The following AOAH variants were observed in gnomAD, a reference collection of about 807,000 sequenced individuals.
AOAH encodes the protein acyloxyacyl hydrolase (neutrophil).
In AOAH, 64 loss-of-function variants were observed where a neutral mutation model predicts 92.2. The observed-to-expected ratio is 0.69, with a 90% confidence interval of 0.57 to 0.86. AOAH has a LOEUF of 0.86. Among genes scored for constraint, AOAH ranks in the 40% least tolerant of loss-of-function variants. The probability of loss-of-function intolerance (pLI) is 0.00; values close to 1 mark genes in which losing one functional copy is unlikely to be tolerated. For missense variants in AOAH, 656 were observed against 694.6 expected (o/e 0.94, Z 0.62); for synonymous variants, 263 against 254.5 (o/e 1.03, Z -0.32).
chr7:36,684,860 G>A (rs116958861), intron 2 of AOAH, among the ~76,000 whole-genome samples: 3 of 131,298 alleles, frequency 2.3e-5, no homozygotes, highest in Non-Finnish European at 4.7e-5. Flanking sequence ...GGAGGTCAAG[G>A]CTGCAGTGAG....
chr7:36,517,011 G>T (rs1375476325), intron 20 of AOAH, among the ~76,000 whole-genome samples: 2 of 152,166 alleles, frequency 1.3e-5, no homozygotes, highest in African/African-American at 4.8e-5. Context: ...GTGATAAAAT[G>T]ATCCACTGTA....
In AOAH at chr7:36,714,412, G is replaced by C. The variant is rs188830547; in HGVS notation, c.127+9610C>G. On this transcript the variant is annotated intron_variant, in intron 1 of 20. Transcript: ENST00000617537. ...CTACCAGAGGTACGAGGAGGAACTA[G>C]TACCATTCCTTCTGAAACTATTCCA... 3.7e-4 allele frequency among the ~76,000 whole-genome samples: 56 copies of C among 152,304 alleles called. No homozygotes were observed. In the East Asian group the frequency reaches 0.011, roughly 29 times the overall value.
At chr7:36,545,193 G>A (rs979938095) in intron 15 of AOAH, among the ~76,000 whole-genome samples, 1 of 152,070 alleles carries the variant, frequency 6.6e-6, no homozygotes, top group Non-Finnish European at 1.5e-5. Context: ...CTGGGGAGAA[G>A]AGGCATCTTG....
rs747887261 is a variant in AOAH, at chr7:36,576,577, T to G, written c.1018A>C (p.Asn340His). The G allele has an allele frequency of 5.5e-5, 85 of 1,551,914 alleles. No homozygotes were observed. The highest frequency in any genetic ancestry group is 4.6e-4 in the South Asian group (39 of 84,614). ...NHRDYQNISR[N>H]GASSRNLKKF... Reference sequence around the variant, plus strand: ...GCTTAAATGGAAAGTTACGTACCATTTCTTGAAATATTCTGGTAGTCCCTG... The same window carrying G: ...GCTTAAATGGAAAGTTACGTACCATGTCTTGAAATATTCTGGTAGTCCCTG... The change falls in exon 13 of 21, where the codon AAT (asparagine) becomes CAT (histidine). Residue 340 changes from asparagine (N) to histidine (H), a missense_variant. By Grantham distance (68) the Asn-to-His change is moderately conservative (BLOSUM62 1). Coordinates refer to ENST00000617537, the MANE Select transcript of AOAH (RefSeq NM_001637.4).
At chr7:36,704,459 A>C (rs377626002) in intron 1 of AOAH, among the ~76,000 whole-genome samples, 2 of 152,200 alleles carry the variant, frequency 1.3e-5, no homozygotes, top group East Asian at 3.8e-4. Context: ...CAAATCCTTG[A>C]ATAGACCAAT....
At chr7:36,563,234 A>G (rs1787420088) in intron 13 of AOAH, among the ~76,000 whole-genome samples, 2 of 150,228 alleles carry the variant, frequency 1.3e-5, no homozygotes, top group South Asian at 2.1e-4. Context: ...ATTCCAGTGA[A>G]GAGGCAGTCT....
intron 11 of AOAH, among the ~76,000 whole-genome samples, chr7:36,597,293 G>A (rs566904496): frequency 5.3e-5 from 8 of 152,178 alleles, no homozygotes; most frequent in African/African-American, 1.9e-4. Flanking sequence ...CTTTCTGCTC[G>A]AGACTCCACC....
At chr7:36,722,308 G>A (rs1028903746) in intron 1 of AOAH, among the ~76,000 whole-genome samples, 16 of 152,114 alleles carry the variant, frequency 1.1e-4, no homozygotes, top group African/African-American at 3.6e-4. Flanking sequence ...TGACCTCACT[G>A]GGAACAGGGC....
chr7:36,669,269 A>G lies in AOAH; in HGVS notation c.290+4674T>C, dbSNP rs150509114. On this transcript the variant is annotated intron_variant, in intron 3 of 20. Transcript: ENST00000617537. ...GAAGATCTTCTTCATATAACTTAATACTTTTATCTTGTTTCTAGGTCACAT... is the reference window on the plus strand; with the variant it reads ...GAAGATCTTCTTCATATAACTTAATGCTTTTATCTTGTTTCTAGGTCACAT... 4.0e-5 allele frequency among the ~76,000 whole-genome samples: 6 copies of G among 151,862 alleles called. No homozygotes were observed. The East Asian group carries it at 1.2e-3, about 29-fold the overall frequency.
chr7:36,563,410 G>A (rs1405177998), intron 13 of AOAH, among the ~76,000 whole-genome samples: 1 of 152,130 alleles, frequency 6.6e-6, no homozygotes, highest in African/African-American at 2.4e-5. Context: ...GTCCAGGTTG[G>A]AAGATACCAG....
At chr7:36,642,709 C>T (rs995575698) in intron 4 of AOAH, among the ~76,000 whole-genome samples, 3 of 152,180 alleles carry the variant, frequency 2.0e-5, no homozygotes, top group Non-Finnish European at 2.9e-5. Flanking sequence ...CTCTGCCAGG[C>T]GTAAGCCACA....
chr7:36,703,604 C>T (rs985399970), intron 1 of AOAH, among the ~76,000 whole-genome samples: 2 of 152,170 alleles, frequency 1.3e-5, no homozygotes, highest in Middle Eastern at 3.4e-3. Context: ...CCCATGTGTT[C>T]TCATTGTTCA....
At chr7:36,524,197 GA>G (rs925809489) in intron 19 of AOAH, among the ~76,000 whole-genome samples, 2 of 152,008 alleles carry the variant, frequency 1.3e-5, no homozygotes, top group African/African-American at 4.8e-5. Flanking sequence ...ACAGAAGAAA[GA>G]AAAGAAAGAA....
chr7:36,692,680 G>C (rs1215716364), intron 1 of AOAH, among the ~76,000 whole-genome samples: 1 of 152,190 alleles, frequency 6.6e-6, no homozygotes, highest in Non-Finnish European at 1.5e-5. Context: ...AAAAATGAAA[G>C]TGAAGATGTC....
At chr7:36,699,373 A>G (rs914102473) in intron 1 of AOAH, among the ~76,000 whole-genome samples, 10 of 152,186 alleles carry the variant, frequency 6.6e-5, no homozygotes, top group African/African-American at 2.4e-4. Context: ...TTTTTTGAGG[A>G]ACTTCCCTAC....
intron 1 of AOAH, among the ~76,000 whole-genome samples, chr7:36,721,036 T>C (rs1420691128): frequency 2.6e-5 from 4 of 152,164 alleles, no homozygotes; most frequent in Non-Finnish European, 5.9e-5. Context: ...CACTGCTTCC[T>C]GAGATGCTTC....
chr7:36,684,243 C>T (rs57747809), intron 2 of AOAH, among the ~76,000 whole-genome samples: 20,666 of 152,032 alleles, frequency 0.14, 1,528 homozygotes, highest in Middle Eastern at 0.19. Flanking sequence ...AAGGAGGTGC[C>T]ACTGGTCAAA....
chr7:36,678,285 C>T (rs545275674), intron 2 of AOAH, among the ~76,000 whole-genome samples: 1 of 152,294 alleles, frequency 6.6e-6, no homozygotes, highest in South Asian at 2.1e-4. Flanking sequence ...CCTCCCCTTT[C>T]TGGACTTCCA....
chr7:36,554,543 C>T (rs535341044), intron 13 of AOAH, among the ~76,000 whole-genome samples: 297 of 152,200 alleles, frequency 2.0e-3, no homozygotes, highest in African/African-American at 5.4e-3. Context: ...AGCTTGATGG[C>T]GATGGCATTG....
Sources: gnomAD v4.1 joint callset for allele counts (sites outside exome capture counted in the v4.1 genomes callset) on GRCh38, gnomAD v4.1.1 for gene constraint, MANE v1.5 for transcripts, NCBI Gene and HGNC (gene_info 2026-07-23, HGNC 2026-07-21) for gene names.